The following LRP1B variants were observed in gnomAD, a reference collection of about 807,000 sequenced individuals.
LRP1B encodes low-density lipoprotein receptor-related protein 1B.
LRP1B carries 217 observed loss-of-function variants against 556.6 expected under a neutral mutation model. That is an observed-to-expected ratio of 0.39 (90% CI 0.35 to 0.44). The LOEUF (loss-of-function observed/expected upper bound fraction) is 0.44, where lower values mean the gene tolerates loss of function less well. LRP1B is among the 20% of genes least tolerant of loss of function. The pLI, the probability that LRP1B is intolerant of heterozygous loss-of-function variation, is 1.00. For synonymous variants in LRP1B, 2,047 were observed against 1,865.8 expected, an observed-to-expected ratio of 1.10 and a Z score of -2.50; for missense variants, 5,053 against 5,620.8, an observed-to-expected ratio of 0.90 and a Z score of 3.23.
chr2:140,963,111 TTC>T lies in LRP1B; in HGVS notation c.2888-11173_2888-11172del. ...CATCTTAGGCAAAGATGCATATAGC[TTC>T]TGTTTTTAAAACCCCAACTTGGCAT... On this transcript the variant is annotated intron_variant, in intron 18 of 90. Coordinates refer to ENST00000389484, the MANE Select transcript of LRP1B (RefSeq NM_018557.3). 1.3e-5 allele frequency among the ~76,000 whole-genome samples: 2 copies of T among 152,292 alleles called. 1 individual carries two copies. The highest frequency in any genetic ancestry group is 4.1e-4 in the South Asian group (2 of 4,832).
intron 81 of LRP1B, among the ~76,000 whole-genome samples, chr2:140,323,175 C>T (rs769374477): frequency 1.3e-4 from 20 of 151,904 alleles, no homozygotes; most frequent in African/African-American, 1.9e-4. Flanking sequence ...TCTTGAAGAG[C>T]GAACTGATCA....
intron 18 of LRP1B, 80 bp downstream of exon 18, chr2:140,982,080 A>C: frequency 9.2e-7 from 1 of 1,086,610 alleles, no homozygotes; most frequent in Admixed American, 1.9e-5. Flanking sequence ...AGAAATAAAT[A>C]GCCCTTTAAG....
intron 11 of LRP1B, among the ~76,000 whole-genome samples, chr2:141,037,419 G>A (rs377336434): frequency 6.6e-6 from 1 of 152,170 alleles, no homozygotes; most frequent in South Asian, 2.1e-4. Flanking sequence ...TCTAGTGATG[G>A]AGCTTCTGTG....
At chr2:140,466,871 C>T (rs1285320274) in intron 60 of LRP1B, among the ~76,000 whole-genome samples, 1 of 152,174 alleles carries the variant, frequency 6.6e-6, no homozygotes, top group East Asian at 1.9e-4. Flanking sequence ...CAAAATACTA[C>T]CTACCTGCCT....
chr2:141,005,249 G>T, intron 15 of LRP1B, 86 bp downstream of exon 15: 1 of 1,425,216 alleles, frequency 7.0e-7, no homozygotes, highest in Non-Finnish European at 9.5e-7. Flanking sequence ...CTTTCCAAGT[G>T]TCATTTTAAT....
intron 1 of LRP1B, 139 bp from the exon 2 acceptor site, chr2:141,810,540 C>T (rs1696323510): frequency 1.2e-6 from 1 of 863,446 alleles, no homozygotes; most frequent in African/African-American, 1.7e-5. Flanking sequence ...GCAGCAAAGA[C>T]AAACCAATTA....
Position 141,076,377 on chromosome 2 carries a change from G to A in LRP1B, c.1014-14104C>T, listed in dbSNP as rs566094987. 3.3e-5 allele frequency among the ~76,000 whole-genome samples: 5 copies of A among 152,236 alleles called. No individual in the cohort carries two copies. The South Asian group carries it at 8.3e-4, about 25-fold the overall frequency. The stretch of plus-strand genomic sequence containing the variant: ...CCAGCAATTATATATTCCTACACGG[G>A]CATTTTTCTGGCAAGAGGATTAATA... On this transcript the variant is annotated intron_variant, in intron 7 of 90. Transcript: ENST00000389484.
At chr2:141,153,354 CTA>C (rs1306872287) in intron 7 of LRP1B, among the ~76,000 whole-genome samples, 21 of 110,802 alleles carry the variant, frequency 1.9e-4, no homozygotes, top group Non-Finnish European at 3.5e-4. Flanking sequence ...TATATATTAG[CTA>C]TATATATTTA....
At chr2:140,325,624 G>A in intron 80 of LRP1B, 138 bp downstream of exon 80, 1 of 548,686 alleles carries the variant, frequency 1.8e-6, no homozygotes. Context: ...TTAATTACTA[G>A]TAAGCCTTAT....
intron 41 of LRP1B, among the ~76,000 whole-genome samples, chr2:140,624,723 C>T (rs1405173632): frequency 2.0e-5 from 3 of 152,094 alleles, no homozygotes; most frequent in Non-Finnish European, 4.4e-5. Flanking sequence ...CTATTTCCAT[C>T]AGGTCCATTG....
chr2:140,514,623 C>T (rs1430888284), intron 51 of LRP1B, 30 bp downstream of exon 51: 4 of 1,583,996 alleles, frequency 2.5e-6, no homozygotes, highest in Non-Finnish European at 3.4e-6. Context: ...TGCTTAAAAA[C>T]TGATTGAGGA....
chr2:141,899,064 T>A (rs1484761050), intron 1 of LRP1B, among the ~76,000 whole-genome samples: 1 of 152,144 alleles, frequency 6.6e-6, no homozygotes, highest in East Asian at 1.9e-4. Context: ...AATGAAATAC[T>A]CAAAAAGAAT....
intron 2 of LRP1B, among the ~76,000 whole-genome samples, chr2:141,802,771 C>T (rs937260825): frequency 6.6e-6 from 1 of 152,074 alleles, no homozygotes; most frequent in African/African-American, 2.4e-5. Context: ...AATAAAGCGT[C>T]CTCCGGGAAG....
intron 1 of LRP1B, among the ~76,000 whole-genome samples, chr2:142,018,840 G>T (rs995713144): frequency 1.5e-4 from 22 of 151,624 alleles, no homozygotes; most frequent in African/African-American, 5.3e-4. Flanking sequence ...CAAGATAAAT[G>T]CCTAAATTCT....
At chr2:140,331,782 G>A (rs926468157) in intron 79 of LRP1B, among the ~76,000 whole-genome samples, 47 of 151,198 alleles carry the variant, frequency 3.1e-4, no homozygotes, top group Non-Finnish European at 5.5e-4. Context: ...TACAATTTCC[G>A]CCTCCTGGGT....
At chr2:141,785,255 G>A (rs1695392209) in intron 2 of LRP1B, among the ~76,000 whole-genome samples, 1 of 151,912 alleles carries the variant, frequency 6.6e-6, no homozygotes, top group South Asian at 2.1e-4. Flanking sequence ...AGAGTCATCA[G>A]ATGGAGAAGG....
At chr2:141,805,503 C>G (rs1295857543) in intron 2 of LRP1B, 1 of 152,122 alleles carries the variant, frequency 6.6e-6, no homozygotes, top group Non-Finnish European at 1.5e-5. Context: ...GGCACCATGA[C>G]TGGTAGATGC....
chr2:141,630,379 G>T (rs538102877), intron 2 of LRP1B, among the ~76,000 whole-genome samples: 13 of 152,298 alleles, frequency 8.5e-5, no homozygotes, highest in Admixed American at 7.8e-4. Context: ...CCAGACAAAA[G>T]TCCTCACAGG....
chr2:140,346,374 CTTG>C (rs1409848866), intron 77 of LRP1B, among the ~76,000 whole-genome samples: 5 of 151,630 alleles, frequency 3.3e-5, no homozygotes, highest in Admixed American at 6.6e-5. Context: ...ACCTCTTTGA[CTTG>C]TTTAGTAAAA....
Sources: gnomAD v4.1 joint callset for allele counts (sites outside exome capture counted in the v4.1 genomes callset) on GRCh38, gnomAD v4.1.1 for gene constraint, MANE v1.5 for transcripts, NCBI Gene and HGNC (gene_info 2026-07-23, HGNC 2026-07-21) for gene names.